Variants in PDE4D observed in about 807,000 individuals in gnomAD.
The protein encoded by PDE4D is 3',5'-cyclic-AMP phosphodiesterase 4D.
In PDE4D, 24 loss-of-function variants were observed where a neutral mutation model predicts 87.4. The observed-to-expected ratio is 0.27, with a 90% CI of 0.20 to 0.39. PDE4D has a LOEUF of 0.39. PDE4D is among the 10% of genes least tolerant of loss of function. The probability of loss-of-function intolerance (pLI) is 1.00; values close to 1 mark genes in which losing one functional copy is unlikely to be tolerated. For missense variants in PDE4D, 714 were observed against 1,041.0 expected (o/e 0.69, Z 4.32); for synonymous variants, 384 against 383.2 (o/e 1.00, Z -0.02).
At chr5:59,861,250 T>C (rs1290336329) in intron 1 of PDE4D, among the ~76,000 whole-genome samples, 2 of 152,178 alleles carry the variant, frequency 1.3e-5, no homozygotes, top group Non-Finnish European at 2.9e-5. Flanking sequence ...ATATTTAATT[T>C]AGCAACATTT....
chr5:59,491,410 T>C (rs914343771), intron 1 of PDE4D, among the ~76,000 whole-genome samples: 3 of 152,218 alleles, frequency 2.0e-5, no homozygotes, highest in African/African-American at 7.2e-5. Context: ...ATTCATGAGA[T>C]TGAGCAGTGA....
intron 1 of PDE4D, among the ~76,000 whole-genome samples, chr5:59,538,550 T>C (rs1815699730): frequency 6.6e-6 from 1 of 152,078 alleles, no homozygotes; most frequent in African/African-American, 2.4e-5. Context: ...ATTTCCTAAA[T>C]CTCTTTACTT....
intron 1 of PDE4D, among the ~76,000 whole-genome samples, chr5:59,236,582 A>G (rs545674897): frequency 1.2e-4 from 18 of 152,168 alleles, no homozygotes; most frequent in African/African-American, 4.3e-4. Flanking sequence ...TTCCAACTGG[A>G]CAGCACTGAA....
rs35860266 is a variant in PDE4D at position 59,020,665 on chromosome 5, AT to A, written c.921+18193del. ...AAATCTCTTTCTAAGGGCTTCTGGA[AT>A]TTTTTTTTTTTTTTAAACAATAAAA... On this transcript the variant is annotated intron_variant, in intron 6 of 14. Coordinates refer to ENST00000340635, the MANE Select transcript of PDE4D (RefSeq NM_001104631.2). Among the ~76,000 whole-genome samples the A allele has an allele frequency of 4.4e-3, 637 of 146,272 alleles. 4 individuals carry two copies. Among genetic ancestry groups the A allele is most frequent in the African/African-American group, 9.0e-3 (362 of 40,120 alleles).
intron 1 of PDE4D, among the ~76,000 whole-genome samples, chr5:59,640,394 T>C (rs896111351): frequency 6.6e-6 from 1 of 152,256 alleles, no homozygotes; most frequent in African/African-American, 2.4e-5. Context: ...AATAACTTTT[T>C]ATTGCCTGTT....
intron 1 of PDE4D, among the ~76,000 whole-genome samples, chr5:59,838,228 C>A (rs191563369): frequency 6.6e-6 from 1 of 152,060 alleles, no homozygotes; most frequent in Non-Finnish European, 1.5e-5. Flanking sequence ...TCACCCAAGG[C>A]ATCCCCACCT....
At chr5:59,159,777 C>T (rs1290309675) in intron 5 of PDE4D, among the ~76,000 whole-genome samples, 4 of 152,088 alleles carry the variant, frequency 2.6e-5, no homozygotes, top group African/African-American at 9.7e-5. Context: ...ATTTTATGCT[C>T]AATGCAATAG....
intron 1 of PDE4D, among the ~76,000 whole-genome samples, chr5:59,539,326 A>G (rs1339376710): frequency 6.6e-6 from 1 of 152,130 alleles, no homozygotes; most frequent in Non-Finnish European, 1.5e-5. Context: ...GTAGTGCATA[A>G]TAACTAGCTG....
At chr5:60,169,557 T>C (rs977870950) in intron 2 of PDE4D, among the ~76,000 whole-genome samples, 6 of 152,072 alleles carry the variant, frequency 3.9e-5, no homozygotes, top group African/African-American at 1.4e-4. Context: ...TACTGTAGAA[T>C]GGACAAAGAG....
At chr5:59,527,815 T>C (rs1472045547) in intron 1 of PDE4D, among the ~76,000 whole-genome samples, 3 of 152,224 alleles carry the variant, frequency 2.0e-5, no homozygotes, top group Non-Finnish European at 2.9e-5. Context: ...TTGGCTAACA[T>C]ACAATCACCA....
chr5:60,415,410 G>A (rs1170752038), intron 1 of PDE4D, among the ~76,000 whole-genome samples: 1 of 152,270 alleles, frequency 6.6e-6, no homozygotes, highest in Non-Finnish European at 1.5e-5. Flanking sequence ...TTTCTCGGCT[G>A]GCCAAGGCCG....
rs545699980 is a variant in PDE4D, at chr5:60,003,725, A to G, written c.43-15008T>C. Among the ~76,000 whole-genome samples the G allele has an allele frequency of 2.3e-3, 339 of 150,512 alleles. 1 individual carries two copies. Among genetic ancestry groups the G allele is most frequent in the East Asian group, 0.011 (57 of 5,144 alleles). ...CTCCATCTAAAAAAAAAAAAAAAAA[A>G]AAGAAGAAGAAGAAGAACAAAGTTG... On this transcript the variant is annotated intron_variant, in intron 2 of 16. Coordinates refer to the PDE4D transcript ENST00000502484.
rs148746493 is a variant in PDE4D at position 60,265,662 on chromosome 5, G to C, written c.-89-79975C>G. ...GGAGGCCTTAGCTGGTGGGACCCTAGACTAGAAAAAACCCTTTTTCTGTTC... is the reference window on the plus strand; with the variant it reads ...GGAGGCCTTAGCTGGTGGGACCCTACACTAGAAAAAACCCTTTTTCTGTTC... On this transcript the variant is annotated intron_variant, in intron 1 of 16. Coordinates refer to the PDE4D transcript ENST00000502484. Among the ~76,000 whole-genome samples the C allele has an allele frequency of 3.6e-3, 546 of 152,158 alleles. 2 individuals are homozygous for C. Among genetic ancestry groups the C allele is most frequent in the Admixed American group, 7.1e-3 (109 of 15,282 alleles).
At chr5:60,106,749 T>G (rs1213069929) in intron 2 of PDE4D, among the ~76,000 whole-genome samples, 2 of 152,150 alleles carry the variant, frequency 1.3e-5, no homozygotes, top group African/African-American at 4.8e-5. Context: ...AACCTGCTCC[T>G]GAATGACTAC....
At chr5:59,401,703 T>C (rs1317819400) in intron 1 of PDE4D, among the ~76,000 whole-genome samples, 1 of 152,218 alleles carries the variant, frequency 6.6e-6, no homozygotes, top group Non-Finnish European at 1.5e-5. Context: ...GATGTTGCTC[T>C]TGCAGCAATT....
chr5:60,446,514 G>A (rs771629242), intron 1 of PDE4D, among the ~76,000 whole-genome samples: 1 of 152,088 alleles, frequency 6.6e-6, no homozygotes, highest in Admixed American at 6.6e-5. Context: ...ATACTAGCCT[G>A]AGACAACACC....
intron 1 of PDE4D, among the ~76,000 whole-genome samples, chr5:60,366,491 G>A (rs1760556222): frequency 6.6e-6 from 1 of 152,164 alleles, no homozygotes; most frequent in South Asian, 2.1e-4. Context: ...AATATATGTA[G>A]GACCATCATC....
rs183614283 is a variant in PDE4D at position 60,455,078 on chromosome 5, T to A, written c.-90+32864A>T. Among the ~76,000 whole-genome samples, 477 of 152,052 alleles carry A rather than the reference T, an allele frequency of 3.1e-3. 3 individuals carry two copies. Among genetic ancestry groups the A allele is most frequent in the African/African-American group, 0.011 (449 of 41,476 alleles). On this transcript the variant is annotated intron_variant, in intron 1 of 16. Coordinates refer to the PDE4D transcript ENST00000502484. ...TACAGTAAGAGAGCTAAAGAAGAGG[T>A]CTAATTAATAGTATACAACCAATTA...
chr5:58,980,786 T>C (rs1744934853), intron 11 of PDE4D, among the ~76,000 whole-genome samples: 1 of 152,048 alleles, frequency 6.6e-6, no homozygotes, highest in African/African-American at 2.4e-5. Flanking sequence ...TCCAGAGAAA[T>C]AGAATAGACA....
Sources: allele counts gnomAD v4.1 joint callset (sites outside exome capture counted in the v4.1 genomes callset), GRCh38; gene constraint gnomAD v4.1.1; transcripts MANE v1.5; gene names NCBI Gene and HGNC (gene_info 2026-07-23, HGNC 2026-07-21).